The following ACP7 variants were observed in gnomAD, a reference collection of about 807,000 sequenced individuals.
ACP7 encodes the protein acid phosphatase type 7.
ACP7 carries 58 observed loss-of-function variants against 60.6 expected under a neutral mutation model. The observed-to-expected ratio is 0.96, with a 90% CI of 0.77 to 1.19. The LOEUF (loss-of-function observed/expected upper bound fraction) is 1.19. Among genes scored for constraint, ACP7 ranks in the 50% most tolerant of loss-of-function variants. The pLI, the probability that ACP7 is intolerant of heterozygous loss-of-function variation, is 0.00. For missense variants in ACP7, 574 were observed against 596.2 expected (o/e 0.96, Z 0.39); for synonymous variants, 237 against 232.6 (o/e 1.02, Z -0.17).
chr19:39,099,362 C>A (rs1360797379), intron 4 of ACP7, among the ~76,000 whole-genome samples: 1 of 152,178 alleles, frequency 6.6e-6, no homozygotes, highest in Admixed American at 6.5e-5. Context: ...CCAACTCTGG[C>A]GCTCTTGCCA....
chr19:39,097,394 C>A (rs1463827827), intron 2 of ACP7, among the ~76,000 whole-genome samples: 26 of 136,976 alleles, frequency 1.9e-4, no homozygotes, highest in African/African-American at 7.0e-4. Context: ...CAGGGCAAGA[C>A]TCCTCAAAAA....
intron 2 of ACP7, among the ~76,000 whole-genome samples, chr19:39,091,419 C>A (rs1254785938): frequency 6.6e-6 from 1 of 152,012 alleles, no homozygotes; most frequent in Non-Finnish European, 1.5e-5. Context: ...CCTCAGCCTC[C>A]CAAAGTGCTG....
At chr19:39,107,499 G>A (rs969478111) in intron 12 of ACP7, among the ~76,000 whole-genome samples, 5 of 146,298 alleles carry the variant, frequency 3.4e-5, no homozygotes, top group Non-Finnish European at 7.5e-5. Context: ...CAGGAGAATG[G>A]CGTGAACCCG....
chr19:39,085,918 C>T (rs1028614406), intron 2 of ACP7, among the ~76,000 whole-genome samples: 1 of 152,182 alleles, frequency 6.6e-6, no homozygotes, highest in African/African-American at 2.4e-5. Flanking sequence ...TACCTGCTGC[C>T]TAATCTTGGG....
intron 11 of ACP7, among the ~76,000 whole-genome samples, chr19:39,101,953 A>AT (rs1192395184): frequency 2.6e-5 from 4 of 151,634 alleles, no homozygotes. Flanking sequence ...AAAAAAAAAA[A>AT]AAAAATTAAA....
Position 39,108,837 on chromosome 19 carries a change from T to A in ACP7, c.1252-1216T>A, listed in dbSNP as rs1033121944. The stretch of plus-strand genomic sequence containing the variant: ...TAGCACTTTATTTATTTATTTGTTT[T>A]TGAGACAGAGTTTCACCCTGTCGCC... On this transcript the variant is annotated intron_variant, in intron 12 of 12. Transcript: ENST00000331256. 2.0e-5 allele frequency among the ~76,000 whole-genome samples: 3 copies of A among 152,178 alleles called. No individual in the cohort carries two copies. The East Asian group carries it at 5.8e-4, about 29-fold the overall frequency.
At chr19:39,106,165 C>T (rs1385332462) in intron 11 of ACP7, among the ~76,000 whole-genome samples, 1 of 152,302 alleles carries the variant, frequency 6.6e-6, no homozygotes, top group African/African-American at 2.4e-5. Context: ...GCTGCAAGCA[C>T]GAGCATTCTG....
At position 39,110,085 on chromosome 19, in the gene ACP7, G is replaced by A. The variant is rs1568485982; in HGVS notation, c.1284G>A (p.Val428=). 9 of 1,613,920 alleles carry A rather than the reference G, an allele frequency of 5.6e-6. No homozygotes were observed. The highest frequency in any genetic ancestry group is 1.7e-5 in the Admixed American group (1 of 59,992). ...DGKIVDDVWV[V]RPLFGRRMYL The stretch of plus-strand genomic sequence containing the variant: ...AGATCGTAGATGATGTCTGGGTGGT[G>A]AGACCCCTGTTTGGCCGGAGGATGT... Residue 428 remains valine, a synonymous_variant, in exon 13 of 13, where the codon GTG becomes GTA. Transcript: ENST00000331256.
chr19:39,102,765 T>TTCTTTCTC (rs1316628357), intron 11 of ACP7, among the ~76,000 whole-genome samples: 9 of 107,448 alleles, frequency 8.4e-5, no homozygotes, highest in Admixed American at 2.1e-4. Flanking sequence ...CTTTCTTTCT[T>TTCTTTCTC]TCTCTCTCTC....
chr19:39,086,522 T>C (rs1341180709), intron 2 of ACP7, among the ~76,000 whole-genome samples: 1 of 150,556 alleles, frequency 6.6e-6, no homozygotes, highest in Non-Finnish European at 1.5e-5. Flanking sequence ...CTCAGCTGCT[T>C]GGGGAGCTGA....
chr19:39,096,335 G>A (rs1057319882), intron 2 of ACP7, among the ~76,000 whole-genome samples: 4 of 152,076 alleles, frequency 2.6e-5, no homozygotes, highest in African/African-American at 9.7e-5. Flanking sequence ...CAAGTTCAAA[G>A]TTCCAATAAT....
At chr19:39,088,249 C>T (rs2073166382) in intron 2 of ACP7, among the ~76,000 whole-genome samples, 1 of 152,112 alleles carries the variant, frequency 6.6e-6, no homozygotes, top group Non-Finnish European at 1.5e-5. Flanking sequence ...TCTCAAACTC[C>T]TGGGCTCAAG....
intron 2 of ACP7, among the ~76,000 whole-genome samples, chr19:39,094,161 C>T (rs539268180): frequency 2.0e-5 from 3 of 152,166 alleles, no homozygotes; most frequent in South Asian, 2.1e-4. Context: ...TCTGGATTTT[C>T]GTATCTATCT....
rs563170060 is a variant in ACP7, at chr19:39,109,927, G to T, written c.1252-126G>T. ...ATGAGGAAAACTGAGGCCCAGAGAG[G>T]CCTAGCCACTTGCTCAGGGTTGTAC... is the stretch of plus-strand genomic sequence containing the variant. On this transcript the variant is annotated intron_variant, in intron 12 of 12. Coordinates refer to ENST00000331256, the MANE Select transcript of ACP7 (RefSeq NM_001004318.3). 49 of 861,704 alleles carry T rather than the reference G, an allele frequency of 5.7e-5. No homozygotes were observed. In the African/African-American group the frequency reaches 7.8e-4, roughly 14 times the overall value. The allele number at this position is 861,704 out of a possible 1,614,324, so 53.4% of individuals were successfully genotyped here.
intron 2 of ACP7, among the ~76,000 whole-genome samples, chr19:39,088,838 C>G (rs1039336076): frequency 1.3e-5 from 2 of 152,070 alleles, no homozygotes; most frequent in Non-Finnish European, 2.9e-5. Flanking sequence ...CTCTGCCTCT[C>G]AGGTTCAAGG....
intron 11 of ACP7, among the ~76,000 whole-genome samples, chr19:39,104,635 A>C (rs1423497818): frequency 6.6e-6 from 1 of 152,156 alleles, no homozygotes; most frequent in Non-Finnish European, 1.5e-5. Context: ...TGTAATCTCA[A>C]CACTTTGGGA....
At chr19:39,094,010 G>A (rs1284617478) in intron 2 of ACP7, among the ~76,000 whole-genome samples, 1 of 152,104 alleles carries the variant, frequency 6.6e-6, no homozygotes, top group African/African-American at 2.4e-5. Context: ...ATTACAAAGA[G>A]TACTGCCATA....
chr19:39,094,200 T>C (rs2073240603), intron 2 of ACP7, among the ~76,000 whole-genome samples: 1 of 152,046 alleles, frequency 6.6e-6, no homozygotes, highest in Admixed American at 6.6e-5. Flanking sequence ...TAAAAACCAC[T>C]GTGTAAAGAT....
At chr19:39,104,340 C>A (rs2073389432) in intron 11 of ACP7, among the ~76,000 whole-genome samples, 1 of 151,846 alleles carries the variant, frequency 6.6e-6, no homozygotes, top group Admixed American at 6.6e-5. Flanking sequence ...GTGGGTCATG[C>A]CCTAGTGGTT....
Sources: allele counts gnomAD v4.1 joint callset (sites outside exome capture counted in the v4.1 genomes callset), GRCh38; gene constraint gnomAD v4.1.1; transcripts MANE v1.5; gene names NCBI Gene and HGNC (gene_info 2026-07-23, HGNC 2026-07-21).